The following ITGAL variants were observed in gnomAD, a reference collection of about 807,000 sequenced individuals.
ITGAL encodes integrin subunit alpha L.
In ITGAL, 68 loss-of-function variants were observed where a neutral mutation model predicts 138.4. The observed-to-expected ratio is 0.49, with a 90% CI of 0.40 to 0.60. The LOEUF is 0.60. Ranked by LOEUF, ITGAL falls within the 20% of genes least tolerant of loss-of-function variation. The pLI, the probability that ITGAL is intolerant of heterozygous loss-of-function variation, is 0.00. For missense variants in ITGAL, 1,256 were observed against 1,478.6 expected (o/e 0.85, Z 2.47); for synonymous variants, 561 against 584.3 (o/e 0.96, Z 0.57).
chr16:30,500,781 G>T (rs2050883363), intron 17 of ITGAL, among the ~76,000 whole-genome samples: 1 of 152,118 alleles, frequency 6.6e-6, no homozygotes, highest in African/African-American at 2.4e-5. Context: ...AAGGTGGGTG[G>T]ATCACCTGAG....
At position 30,499,422 on chromosome 16, in the gene ITGAL, A is replaced by G. The variant is rs937950166; in HGVS notation, c.2078A>G (p.His693Arg). 3 of 1,614,078 alleles carry G rather than the reference A, an allele frequency of 1.9e-6. No homozygotes were observed. The highest frequency in any genetic ancestry group is 3.3e-5 in the Admixed American group (2 of 59,970). ...RRRGLFPGGR[H>R]ELRRNIAVTT... ...CGGGGGTTGTTCCCAGGAGGGAGAC[A>G]TGAACTCAGAAGGAATATAGCTGTC... is the stretch of plus-strand genomic sequence containing the variant. The change falls in exon 17 of 31, where the codon CAT (histidine) becomes CGT (arginine). Residue 693 changes from histidine to arginine, a missense_variant. Coordinates refer to ENST00000356798, the MANE Select transcript of ITGAL (RefSeq NM_002209.3).
chr16:30,483,534 T>C (rs2050589277), intron 7 of ITGAL, among the ~76,000 whole-genome samples: 1 of 152,108 alleles, frequency 6.6e-6, no homozygotes, highest in Non-Finnish European at 1.5e-5. Flanking sequence ...GTGGTTGCAA[T>C]GGAGGGTAGG....
intron 9 of ITGAL, among the ~76,000 whole-genome samples, chr16:30,485,469 G>C (rs943113816): frequency 6.6e-6 from 1 of 151,914 alleles, no homozygotes; most frequent in African/African-American, 2.4e-5. Context: ...TGACCTGCCC[G>C]CCTTGGCCTC....
At chr16:30,499,733 A>ATATTT in intron 17 of ITGAL, among the ~76,000 whole-genome samples, 4 of 88,360 alleles carry the variant, frequency 4.5e-5, no homozygotes, top group African/African-American at 1.8e-4. Context: ...ATATATATAT[A>ATATTT]TTTTTTTTTT....
Position 30,481,422 on chromosome 16 carries a change from C to G in ITGAL, c.577-17C>G. 6.6e-7 allele frequency: 1 copy of G among 1,519,580 alleles called. No individual in the cohort carries two copies. The allele number at this position is 1,519,580 out of a possible 1,614,324, so 94.1% of individuals were successfully genotyped here. A position where few individuals can be genotyped will look rare whatever the true frequency, so the allele number is the denominator to read the frequency against. ...AGGGATATATAACTGAATGTCATTT[C>G]TTCCTTCCTTTTCTAGTTTGCTGCT... is the stretch of plus-strand genomic sequence containing the variant. On this transcript the variant is annotated splice_polypyrimidine_tract_variant and intron_variant, in intron 6 of 30. Coordinates refer to ENST00000356798, the MANE Select transcript of ITGAL (RefSeq NM_002209.3).
chr16:30,517,169 G>T, intron 26 of ITGAL, 83 bp downstream of exon 26: 1 of 909,634 alleles, frequency 1.1e-6, no homozygotes. Flanking sequence ...GGCAGGGCTT[G>T]GCCAGGTGCG....
At chr16:30,518,555 G>A in intron 28 of ITGAL, 69 bp from the exon 29 acceptor site, 1 of 1,063,020 alleles carries the variant, frequency 9.4e-7, no homozygotes, top group African/African-American at 1.6e-5. Context: ...CTGTGTTGTG[G>A]TGGGGGCAAA....
At chr16:30,495,708 A>T (rs182484463) in intron 13 of ITGAL, among the ~76,000 whole-genome samples, 1 of 152,092 alleles carries the variant, frequency 6.6e-6, no homozygotes, top group East Asian at 1.9e-4. Flanking sequence ...AGTTAGCCAG[A>T]TGTGGTGGTA....
chr16:30,520,876 C>T (rs534067836), intron 30 of ITGAL, among the ~76,000 whole-genome samples: 1 of 152,148 alleles, frequency 6.6e-6, no homozygotes, highest in African/African-American at 2.4e-5. Context: ...CCTGAGGTCG[C>T]GAGTTCGAGA....
Position 30,496,224 on chromosome 16 carries a change from C to T in ITGAL, c.1631C>T (p.Pro544Leu). Residue 544 changes from proline to leucine, a missense_variant, in exon 14 of 31, where the codon CCT (proline) becomes CTT (leucine). Coordinates refer to ENST00000356798, the MANE Select transcript of ITGAL (RefSeq NM_002209.3). ...CTGGTAGACGTGGCTGTGGGGGCCC[C>T]TCTGGAGGAGCAGGGGGCTGTGTAC... ...DGLVDVAVGA[P>L]LEEQGAVYIF... is the part of the protein sequence containing the mutation. 1 of 1,609,816 alleles carries T rather than the reference C, an allele frequency of 6.2e-7. No homozygotes were observed. The highest frequency in any genetic ancestry group is 1.1e-5 in the South Asian group (1 of 90,728).
chr16:30,485,251 G>C, intron 9 of ITGAL, among the ~76,000 whole-genome samples: 1 of 140,294 alleles, frequency 7.1e-6, no homozygotes, highest in South Asian at 2.4e-4. Flanking sequence ...TTTTGAGACA[G>C]AGTCTTGCTC....
rs749510720 is a variant in ITGAL at position 30,494,404 on chromosome 16, G to C, written c.1365+41G>C. The C allele has an allele frequency of 6.4e-7, 1 of 1,559,478 alleles. No homozygotes were observed. ...GGGCATCTGCAGACCAGGGACTGGC[G>C]GGACACACATCACACTCCCTTCTGT... On this transcript the variant is annotated intron_variant, in intron 12 of 30. Coordinates refer to ENST00000356798, the MANE Select transcript of ITGAL (RefSeq NM_002209.3). The surrounding 1 kb of genome is among the most constrained non-coding windows in gnomAD (Gnocchi z 4.2).
Position 30,474,180 on chromosome 16 carries a change from C to T in ITGAL, c.62-16C>T. On this transcript the variant is annotated splice_polypyrimidine_tract_variant and intron_variant, in intron 1 of 30. Transcript: ENST00000356798. Reference sequence around the variant, plus strand: ...GGGGTCCCTCGGTCGCAGCTGACGACCCTTGCCTTCCTCAGCGCCGGCCTC... The same window carrying T: ...GGGGTCCCTCGGTCGCAGCTGACGATCCTTGCCTTCCTCAGCGCCGGCCTC... 3 of 1,577,630 alleles carry T rather than the reference C, an allele frequency of 1.9e-6. No individual in the cohort carries two copies. Among genetic ancestry groups the T allele is most frequent in the Non-Finnish European group, 2.6e-6 (3 of 1,159,806 alleles).
rs1163154568 is a variant in ITGAL, at chr16:30,483,975, C to A, written c.855+16C>A. The A allele has an allele frequency of 5.6e-6, 9 of 1,606,660 alleles. No homozygotes were observed. Among genetic ancestry groups the A allele is most frequent in the Admixed American group, 3.3e-5 (2 of 59,730 alleles). On this transcript the variant is annotated intron_variant, in intron 8 of 30. Transcript: ENST00000356798. The stretch of plus-strand genomic sequence containing the variant: ...CATCATCGGGGTAGGGCCCCTGCTG[C>A]TTCCTGCATCATATCTTCCCTCTCC...
chr16:30,475,346 A>C lies in ITGAL; in HGVS notation c.205A>C (p.Ser69Arg). Residue 69 changes from serine (S) to arginine (R), a missense_variant, in exon 3 of 31, where the codon AGC becomes CGC. Physicochemically the swap from Ser to Arg is moderately radical, Grantham distance 110. Around this residue, in one of 3 missense-constraint regions of ITGAL, gnomAD observed 212 missense variants for 217.4 expected, o/e 0.98. Coordinates refer to ENST00000356798, the MANE Select transcript of ITGAL (RefSeq NM_002209.3). Reference protein sequence around the residue: ...GAPGEGNSTGSLYQCQSGTGH... With the variant: ...GAPGEGNSTGRLYQCQSGTGH... The stretch of plus-strand genomic sequence containing the variant: ...TCCAGGGGAGGGGAACAGCACAGGA[A>C]GCCTCTATCAGTGCCAGTCGGGCAC... The C allele has an allele frequency of 6.2e-7, 1 of 1,613,932 alleles. No homozygotes were observed. The highest frequency in any genetic ancestry group is 8.5e-7 in the Non-Finnish European group (1 of 1,179,910).
intron 1 of ITGAL, among the ~76,000 whole-genome samples, chr16:30,473,547 G>T (rs1032527537): frequency 2.5e-4 from 38 of 152,322 alleles, no homozygotes; most frequent in Non-Finnish European, 3.7e-4. Flanking sequence ...CCCCTTTCCA[G>T]CCCCACACCC....
intron 17 of ITGAL, among the ~76,000 whole-genome samples, chr16:30,500,135 G>A (rs1434991416): frequency 1.3e-5 from 2 of 148,526 alleles, no homozygotes; most frequent in Non-Finnish European, 3.0e-5. Flanking sequence ...ACCCAGGCTG[G>A]AGTGCAGTGG....
intron 4 of ITGAL, among the ~76,000 whole-genome samples, chr16:30,478,128 G>C (rs2050497906): frequency 6.7e-6 from 1 of 150,206 alleles, no homozygotes; most frequent in Non-Finnish European, 1.5e-5. Flanking sequence ...AAGGTCAGGA[G>C]TTTGAGACCA....
intron 4 of ITGAL, among the ~76,000 whole-genome samples, chr16:30,478,014 A>G (rs1420060576): frequency 6.6e-6 from 1 of 151,130 alleles, no homozygotes; most frequent in African/African-American, 2.4e-5. Flanking sequence ...AAAAAGAAAG[A>G]TGAAGGAAGG....
Sources: allele counts gnomAD v4.1 joint callset (sites outside exome capture counted in the v4.1 genomes callset), GRCh38; gene constraint gnomAD v4.1.1; regional missense constraint gnomAD v4.1.1; non-coding constraint Gnocchi (gnomAD v3.1); transcripts MANE v1.5; gene names NCBI Gene and HGNC (gene_info 2026-07-23, HGNC 2026-07-21).